DDX51: variants seen among roughly 807,000 people sequenced by gnomAD.
DDX51 encodes the protein ATP-dependent RNA helicase DDX51.
DDX51 carries 67 observed loss-of-function variants against 74.6 expected under a neutral mutation model. That is an observed-to-expected ratio of 0.90 (90% CI 0.74 to 1.10). The LOEUF (loss-of-function observed/expected upper bound fraction) is 1.10. Among genes scored for constraint, DDX51 ranks in the 50% least tolerant of loss-of-function variants. The pLI, the probability that DDX51 is intolerant of heterozygous loss-of-function variation, is 0.00. For synonymous variants in DDX51, 545 were observed against 402.9 expected, an observed-to-expected ratio of 1.35 and a Z score of -4.22; for missense variants, 1,056 against 905.2, an observed-to-expected ratio of 1.17 and a Z score of -2.14.
chr12:132,142,234 C>CCT (rs780442161), intron 4 of DDX51, 43 bp downstream of exon 4: 24 of 1,595,674 alleles, frequency 1.5e-5, no homozygotes, highest in Non-Finnish European at 2.0e-5. Context: ...TGTTACCTGT[C>CCT]CTCTGCACAC....
rs1383886223 is a variant in DDX51, at chr12:132,140,183, C to T, written c.1690G>A (p.Ala564Thr). The change falls in exon 12 of 15, where the codon GCC (alanine) becomes ACC (threonine). Residue 564 changes from alanine to threonine, a missense_variant. Ala to Thr is a moderately conservative substitution (Grantham distance 58). Transcript: ENST00000397333. Reference protein sequence around the residue: ...GKIQLLISTDATARGIDVQGV... With the variant: ...GKIQLLISTDTTARGIDVQGV... ...TGCACGTCGATGCCTCGCGCGGTGG[C>T]GTCCGTGCTGATGAGCCTGCCGGGA... is the stretch of plus-strand genomic sequence containing the variant. 10 of 1,612,464 alleles carry T rather than the reference C, an allele frequency of 6.2e-6. No individual in the cohort carries two copies. The highest frequency in any genetic ancestry group is 1.7e-5 in the Admixed American group (1 of 59,988).
chr12:132,142,530 C>G, intron 3 of DDX51, 108 bp from the exon 4 acceptor site: 4 of 1,504,026 alleles, frequency 2.7e-6, no homozygotes, highest in South Asian at 2.6e-5. Flanking sequence ...GGCCTGGGAA[C>G]CGCTCCCCAG....
chr12:132,140,359 C>A (rs1897399166), intron 11 of DDX51, 64 bp downstream of exon 11: 6 of 1,595,094 alleles, frequency 3.8e-6, no homozygotes, highest in Admixed American at 1.7e-5. Flanking sequence ...TTAGAGAGCC[C>A]CAGGCTGACC....
At position 132,141,420 on chromosome 12, in the gene DDX51, T is replaced by C. The variant is rs369048417; in HGVS notation, c.1105A>G (p.Ile369Val). The C allele has an allele frequency of 8.2e-6, 13 of 1,590,104 alleles. No homozygotes were observed. Among genetic ancestry groups the C allele is most frequent in the African/African-American group, 1.3e-5 (1 of 74,690 alleles). The change falls in exon 8 of 15, where the codon ATT (isoleucine) becomes GTT (valine). Residue 369 changes from isoleucine to valine, a missense_variant and splice_region_variant. Transcript: ENST00000397333. ...GFSLQQLRFL[I>V]IDEADRMIDS... ...ATCATCCGGTCAGCCTCGTCGATAA[T>C]CTGCAGGAGACAGGGAGCCCGGGAC...
chr12:132,143,334 C>G, intron 2 of DDX51: 1 of 449,802 alleles, frequency 2.2e-6, no homozygotes. Context: ...CCGGAAATCT[C>G]TTTACCGAAA....
rs552056437 is a variant in DDX51, at chr12:132,141,845, C to T, written c.995+5G>A. ...CTGAAAAACCCGCACCCTGACACAACCTACGTTTTCTGGACGAGGCTCTCC... is the reference window on the plus strand; with the variant it reads ...CTGAAAAACCCGCACCCTGACACAATCTACGTTTTCTGGACGAGGCTCTCC... On this transcript the variant is annotated splice_donor_5th_base_variant and intron_variant, in intron 6 of 14. Transcript: ENST00000397333. 1.2e-6 allele frequency: 2 copies of T among 1,612,974 alleles called. No individual in the cohort carries two copies. Among genetic ancestry groups the T allele is most frequent in the African/African-American group, 1.3e-5 (1 of 75,060 alleles).
At position 132,143,844 on chromosome 12, in the gene DDX51, T is replaced by C. The variant is rs1897584832; in HGVS notation, c.370A>G (p.Ser124Gly). 6.7e-7 allele frequency: 1 copy of C among 1,499,662 alleles called. No individual in the cohort carries two copies. The highest frequency in any genetic ancestry group is 1.8e-5 in the African/African-American group (1 of 55,952). 92.9% of individuals were successfully genotyped at this position (1,499,662 alleles called of 1,614,324 possible). A position where few individuals can be genotyped will look rare whatever the true frequency, so the allele number is the denominator to read the frequency against. Residue 124 changes from serine to glycine, a missense_variant, in exon 2 of 15, where the codon AGC becomes GGC. By Grantham distance (56) the Ser-to-Gly change is moderately conservative (BLOSUM62 0). Transcript: ENST00000397333. ...GGCGCCTCCTCGCTGCTCCCTGCGCTGGGCTCCCCTGGCGCCTCCTCGCTG... is the reference window on the plus strand; with the variant it reads ...GGCGCCTCCTCGCTGCTCCCTGCGCCGGGCTCCCCTGGCGCCTCCTCGCTG... ...GSSEEAPGEP[S>G]AGSSEEAPGE...
rs757638989 is a variant in DDX51 at position 132,142,348 on chromosome 12, G to A, written c.745C>T (p.Pro249Ser). 21 of 1,612,884 alleles carry A rather than the reference G, an allele frequency of 1.3e-5. No individual in the cohort carries two copies. The highest frequency in any genetic ancestry group is 1.7e-5 in the Non-Finnish European group (20 of 1,180,024). Residue 249 changes from proline to serine, a missense_variant, in exon 4 of 15, where the codon CCT becomes TCT. By Grantham distance (74) the Pro-to-Ser change is moderately conservative. Transcript: ENST00000397333. The stretch of plus-strand genomic sequence containing the variant: ...GGGGCAGAAACACAGAGGTCGCTAG[G>A]CCGGTAGCCACCTCTGCCCACCAGA... ...GFLVGRGGYR[P>S]SDLCVSAPTG...
intron 6 of DDX51, 92 bp downstream of exon 6, chr12:132,141,758 T>C: frequency 6.7e-7 from 1 of 1,494,004 alleles, no homozygotes; most frequent in Non-Finnish European, 9.2e-7. Flanking sequence ...TGGTTAAAGA[T>C]GGTGGCCCCT....
rs17857213 is a variant in DDX51, at chr12:132,142,347, G to A, written c.746C>T (p.Pro249Leu). ...GFLVGRGGYRPSDLCVSAPTG... is the reference protein window; with the variant it reads ...GFLVGRGGYRLSDLCVSAPTG... ...TGGGGCAGAAACACAGAGGTCGCTA[G>A]GCCGGTAGCCACCTCTGCCCACCAG... The change falls in exon 4 of 15, where the codon CCT becomes CTT. Residue 249 changes from proline (P) to leucine (L), a missense_variant. Pro to Leu is a moderately conservative substitution (Grantham distance 98). Coordinates refer to ENST00000397333, the MANE Select transcript of DDX51 (RefSeq NM_175066.4). 6.2e-7 allele frequency: 1 copy of A among 1,613,018 alleles called. No individual in the cohort carries two copies. The highest frequency in any genetic ancestry group is 2.2e-5 in the East Asian group (1 of 44,894).
rs1897519032 is a variant in DDX51, at chr12:132,142,776, C to G, written c.622G>C (p.Asp208His). 1 of 1,613,108 alleles carries G rather than the reference C, an allele frequency of 6.2e-7. No homozygotes were observed. Among genetic ancestry groups the G allele is most frequent in the Non-Finnish European group, 8.5e-7 (1 of 1,180,020 alleles). ...PIEDIPDVHP[D>H]LQKQLRAHGI... Reference sequence around the variant, plus strand: ...TGTGCCCGCAGCTGCTTCTGCAGGTCAGGATGGACGTCAGGGATGTCCTCG... The same window carrying G: ...TGTGCCCGCAGCTGCTTCTGCAGGTGAGGATGGACGTCAGGGATGTCCTCG... Residue 208 changes from aspartate to histidine, a missense_variant, in exon 3 of 15, where the codon GAC becomes CAC. Physicochemically the swap from Asp to His is moderately conservative, Grantham distance 81. Transcript: ENST00000397333.
rs1897379947 is a variant in DDX51, at chr12:132,139,886, G to C, written c.1814C>G (p.Ala605Gly). 3 of 1,613,154 alleles carry C rather than the reference G, an allele frequency of 1.9e-6. No homozygotes were observed. The highest frequency in any genetic ancestry group is 1.1e-5 in the South Asian group (1 of 91,088). The part of the protein sequence containing the change: ...RTARAGKTGQ[A>G]FTLLLKVQER... ...CTGCACTTTCAGGAGCAGTGTGAAG[G>C]CCTGTCCAGTTTTCCCAGCGCGAGC... The change falls in exon 13 of 15, where the codon GCC (alanine) becomes GGC (glycine). Residue 605 changes from alanine to glycine, a missense_variant. Physicochemically the swap from Ala to Gly is moderately conservative, Grantham distance 60. Coordinates refer to ENST00000397333, the MANE Select transcript of DDX51 (RefSeq NM_175066.4).
chr12:132,142,961 G>A (rs760025393), intron 2 of DDX51, 83 bp from the exon 3 acceptor site: 143 of 1,584,518 alleles, frequency 9.0e-5, no homozygotes, highest in Non-Finnish European at 1.2e-4. Flanking sequence ...GCTAGGGGAG[G>A]GAGGCTGGGG....
chr12:132,140,157 C>G lies in DDX51; in HGVS notation c.1716G>C (p.Gln572His). The G allele has an allele frequency of 1.2e-6, 2 of 1,612,932 alleles. No homozygotes were observed. Among genetic ancestry groups the G allele is most frequent in the Non-Finnish European group, 1.7e-6 (2 of 1,179,990 alleles). ...TDATARGIDVQGVELVVNYDA... is the reference protein window; with the variant it reads ...TDATARGIDVHGVELVVNYDA... ...CGTAGTTCACCACCAGCTCCACACCCTGCACGTCGATGCCTCGCGCGGTGG... is the reference window on the plus strand; with the variant it reads ...CGTAGTTCACCACCAGCTCCACACCGTGCACGTCGATGCCTCGCGCGGTGG... The change falls in exon 12 of 15, where the codon CAG (glutamine) becomes CAC (histidine). Residue 572 changes from glutamine (Q) to histidine (H), a missense_variant. Coordinates refer to ENST00000397333, the MANE Select transcript of DDX51 (RefSeq NM_175066.4).
chr12:132,139,419 C>T, intron 14 of DDX51, 121 bp from the exon 15 acceptor site: 1 of 1,532,152 alleles, frequency 6.5e-7, no homozygotes, highest in South Asian at 1.2e-5. Flanking sequence ...AAACCAGGCC[C>T]TGGCCCCGCT....
intron 10 of DDX51, 31 bp from the exon 11 acceptor site, chr12:132,140,570 T>C: frequency 2.5e-6 from 4 of 1,612,812 alleles, no homozygotes; most frequent in South Asian, 1.1e-5. Flanking sequence ...GGCCAAGTGA[T>C]GCTGGGACCA....
In DDX51 at chr12:132,144,164, G is replaced by A; in HGVS notation, c.133C>T (p.Arg45Trp). The A allele has an allele frequency of 8.5e-7, 1 of 1,177,250 alleles. No individual in the cohort carries two copies. Among genetic ancestry groups the A allele is most frequent in the East Asian group, 3.8e-5 (1 of 26,158 alleles). The allele number at this position is 1,177,250 out of a possible 1,614,324, so 72.9% of individuals were successfully genotyped here. Residue 45 changes from arginine (R) to tryptophan (W), a missense_variant, in exon 1 of 15, where the codon CGG becomes TGG. Arg to Trp is a moderately radical substitution (Grantham distance 101). Transcript: ENST00000397333. The part of the protein sequence containing the change: ...LERLQSRARE[R>W]QQQREPAQTE... ...TGCGCGGGCTCCCGCTGCTGCTGCC[G>A]TTCGCGGGCCCGGCTCTGCAGCCGC...
chr12:132,136,827 C>CTAAG lies in DDX51; in HGVS notation c.*2441_*2444dup, dbSNP rs1336763405. On this transcript the variant is annotated 3_prime_UTR_variant, in exon 15 of 15. Coordinates refer to ENST00000397333, the MANE Select transcript of DDX51 (RefSeq NM_175066.4). The stretch of plus-strand genomic sequence containing the variant: ...TCCAGGCACACGCCACCACGCTCAG[C>CTAAG]TAAGTTTTGTATTTTTAGTAGAGAT... The CTAAG allele has an allele frequency of 6.6e-6, 1 of 152,196 alleles. No individual in the cohort carries two copies. The highest frequency in any genetic ancestry group is 1.5e-5 in the Non-Finnish European group (1 of 68,084). 9.4% of individuals were successfully genotyped at this position (152,196 alleles called of 1,614,324 possible). A position where few individuals can be genotyped will look rare whatever the true frequency, so the allele number is the denominator to read the frequency against.
rs984093257 is a variant in DDX51 at position 132,137,250 on chromosome 12, T to C, written c.*2022A>G. 4.6e-5 allele frequency: 7 copies of C among 152,122 alleles called. No individual in the cohort carries two copies. Among genetic ancestry groups the C allele is most frequent in the African/African-American group, 1.4e-4 (6 of 41,406 alleles). The allele number at this position is 152,122 out of a possible 1,614,324, so 9.4% of individuals were successfully genotyped here. On this transcript the variant is annotated 3_prime_UTR_variant, in exon 15 of 15. Coordinates refer to ENST00000397333, the MANE Select transcript of DDX51 (RefSeq NM_175066.4). The stretch of plus-strand genomic sequence containing the variant: ...GGGTCCACTGTTTTACTGGGGCCCA[T>C]TGTGGAAGTGTGAAGTTTGGTGATC...
Sources: gnomAD v4.1 joint callset for allele counts on GRCh38, gnomAD v4.1.1 for gene constraint, MANE v1.5 for transcripts, NCBI Gene and HGNC (gene_info 2026-07-23, HGNC 2026-07-21) for gene names.